C12orf56: variants seen among roughly 807,000 people sequenced by gnomAD.
C12orf56 encodes uncharacterized protein C12orf56.
Under a neutral mutation model 69.9 loss-of-function variants are expected in C12orf56, and 71 were observed. The observed-to-expected ratio is 1.02, with a 90% confidence interval of 0.84 to 1.24. C12orf56 has a LOEUF of 1.24. Ranked by LOEUF, C12orf56 falls within the 50% of genes most tolerant of loss-of-function variation. The probability of loss-of-function intolerance (pLI) is 0.00; values close to 1 mark genes in which losing one functional copy is unlikely to be tolerated. For missense variants in C12orf56, 732 were observed against 738.5 expected (o/e 0.99, Z 0.10); for synonymous variants, 276 against 274.1 (o/e 1.01, Z -0.07).
chr12:64,271,604 A>G (rs1465172869), intron 11 of C12orf56, among the ~76,000 whole-genome samples: 2 of 152,154 alleles, frequency 1.3e-5, no homozygotes, highest in African/African-American at 4.8e-5. Context: ...TTCTATTGTA[A>G]TATGTTGCAA....
At chr12:64,311,651 G>A (rs140868623) in intron 5 of C12orf56, among the ~76,000 whole-genome samples, 5 of 152,304 alleles carry the variant, frequency 3.3e-5, no homozygotes, top group African/African-American at 9.6e-5. Flanking sequence ...CCTGAGAATT[G>A]TGAGAAGTTC....
At chr12:64,323,410 C>G (rs190561502) in intron 3 of C12orf56, among the ~76,000 whole-genome samples, 15 of 152,230 alleles carry the variant, frequency 9.9e-5, no homozygotes, top group Non-Finnish European at 2.1e-4. Flanking sequence ...TTATATATTT[C>G]CATTTCTAAA....
chr12:64,286,067 A>C lies in C12orf56; in HGVS notation c.1114-7T>G, dbSNP rs751529057. On this transcript the variant is annotated splice_region_variant and splice_polypyrimidine_tract_variant and intron_variant, in intron 6 of 12. Coordinates refer to ENST00000543942, the MANE Select transcript of C12orf56 (RefSeq NM_001170633.2). ...AATAGAAAAGGTCACTGGTCTGTGAAAGCAAGTTGGAAAAAAAGACAGTAA... is the reference window on the plus strand; with the variant it reads ...AATAGAAAAGGTCACTGGTCTGTGACAGCAAGTTGGAAAAAAAGACAGTAA... 9.7e-6 allele frequency: 15 copies of C among 1,545,232 alleles called. No individual in the cohort carries two copies. The highest frequency in any genetic ancestry group is 2.7e-5 in the African/African-American group (2 of 72,942).
chr12:64,271,355 C>T (rs1462722710), intron 11 of C12orf56, among the ~76,000 whole-genome samples: 1 of 151,914 alleles, frequency 6.6e-6, no homozygotes, highest in East Asian at 1.9e-4. Flanking sequence ...ATCCCAGCTA[C>T]TTGGGAGGCT....
chr12:64,360,153 C>T (rs1054330898), intron 1 of C12orf56, among the ~76,000 whole-genome samples: 6 of 151,414 alleles, frequency 4.0e-5, no homozygotes, highest in South Asian at 2.1e-4. Context: ...TGGCTGGGTG[C>T]GGTGGCTCAC....
intron 1 of C12orf56, among the ~76,000 whole-genome samples, chr12:64,386,478 CCTCCGCCT>C (rs1319938812): frequency 1.3e-5 from 2 of 151,378 alleles, no homozygotes; most frequent in Non-Finnish European, 2.9e-5. Flanking sequence ...CTCACCGCAA[CCTCCGCCT>C]CCCGGGTTCA....
chr12:64,330,270 A>T (rs1393918925), intron 3 of C12orf56, among the ~76,000 whole-genome samples: 4 of 152,214 alleles, frequency 2.6e-5, no homozygotes, highest in Non-Finnish European at 4.4e-5. Flanking sequence ...TAAAGTCTTC[A>T]TCTGGACTTT....
At chr12:64,268,875 C>T (rs966805458) in intron 12 of C12orf56, among the ~76,000 whole-genome samples, 17 of 152,116 alleles carry the variant, frequency 1.1e-4, no homozygotes, top group Non-Finnish European at 1.9e-4. Flanking sequence ...GTGGCTCACA[C>T]CTGTAATCCT....
chr12:64,377,663 C>A (rs1166742377), intron 1 of C12orf56, among the ~76,000 whole-genome samples: 1 of 152,050 alleles, frequency 6.6e-6, no homozygotes, highest in African/African-American at 2.4e-5. Flanking sequence ...CTTTTATCAG[C>A]TTTTAATTTC....
At chr12:64,293,057 C>T (rs1331048113) in intron 6 of C12orf56, among the ~76,000 whole-genome samples, 2 of 152,110 alleles carry the variant, frequency 1.3e-5, no homozygotes, top group Admixed American at 1.3e-4. Context: ...TCTCATGGTT[C>T]GCCGCTTTTT....
chr12:64,316,008 A>T (rs1209332315), intron 4 of C12orf56, among the ~76,000 whole-genome samples: 2 of 151,946 alleles, frequency 1.3e-5, no homozygotes. Flanking sequence ...CCGATTTCTC[A>T]CTTACGTGTG....
intron 1 of C12orf56, among the ~76,000 whole-genome samples, chr12:64,373,612 A>G (rs2039602668): frequency 1.3e-5 from 2 of 152,222 alleles, no homozygotes; most frequent in African/African-American, 4.8e-5. Flanking sequence ...TTCAGGACCC[A>G]ACTTCTCTGC....
intron 6 of C12orf56, among the ~76,000 whole-genome samples, chr12:64,294,759 A>T (rs2038342689): frequency 6.6e-6 from 1 of 152,042 alleles, no homozygotes; most frequent in Non-Finnish European, 1.5e-5. Flanking sequence ...AGTGTTCTGG[A>T]GATGATGGTT....
intron 3 of C12orf56, among the ~76,000 whole-genome samples, chr12:64,330,243 T>A (rs535011599): frequency 6.6e-6 from 1 of 152,362 alleles, no homozygotes; most frequent in Non-Finnish European, 1.5e-5. Flanking sequence ...TTTTTTCATA[T>A]CCTGTGAAAT....
chr12:64,358,326 C>G (rs1299171716), intron 1 of C12orf56, among the ~76,000 whole-genome samples: 1 of 151,100 alleles, frequency 6.6e-6, no homozygotes, highest in Non-Finnish European at 1.5e-5. Context: ...GGCGTGATGG[C>G]ATGCGCCTGT....
At chr12:64,319,980 G>A (rs2038749537) in intron 3 of C12orf56, among the ~76,000 whole-genome samples, 1 of 151,930 alleles carries the variant, frequency 6.6e-6, no homozygotes, top group Non-Finnish European at 1.5e-5. Flanking sequence ...CCTGTTTGCC[G>A]CCTTGGCAGA....
At chr12:64,382,915 G>A (rs1200826279) in intron 1 of C12orf56, among the ~76,000 whole-genome samples, 5 of 150,950 alleles carry the variant, frequency 3.3e-5, no homozygotes, top group South Asian at 2.1e-4. Flanking sequence ...AAAGAGATCC[G>A]ACCTAACCAA....
chr12:64,285,198 A>T (rs951130341), intron 7 of C12orf56, among the ~76,000 whole-genome samples: 1 of 147,182 alleles, frequency 6.8e-6, no homozygotes, highest in Non-Finnish European at 1.5e-5. Context: ...AAAAAAAAAA[A>T]GAAAAAAATT....
At chr12:64,331,734 TGA>T (rs1173840140) in intron 2 of C12orf56, among the ~76,000 whole-genome samples, 2 of 152,198 alleles carry the variant, frequency 1.3e-5, no homozygotes, top group African/African-American at 4.8e-5. Context: ...CACCAGACAC[TGA>T]GTCTGCTGAT....
Sources: allele counts gnomAD v4.1 joint callset (sites outside exome capture counted in the v4.1 genomes callset), GRCh38; gene constraint gnomAD v4.1.1; transcripts MANE v1.5; gene names NCBI Gene and HGNC (gene_info 2026-07-23, HGNC 2026-07-21).